MMUT: variants seen among roughly 807,000 people sequenced by gnomAD.
The protein encoded by MMUT is methylmalonyl-CoA mutase, also known as methylmalonyl-CoA mutase, mitochondrial.
In MMUT, 79 loss-of-function variants were observed where a neutral mutation model predicts 79.9. The ratio of observed to expected loss-of-function variants is 0.99; its 90% confidence interval spans 0.82 to 1.19. MMUT has a LOEUF of 1.19. Ranked by LOEUF, MMUT falls within the 50% of genes most tolerant of loss-of-function variation. The pLI, the probability that MMUT is intolerant of heterozygous loss-of-function variation, is 0.00. For missense variants in MMUT, 860 were observed against 917.2 expected, an observed-to-expected ratio of 0.94 and a Z score of 0.81; for synonymous variants, 273 against 295.7, an observed-to-expected ratio of 0.92 and a Z score of 0.79.
chr6:49,437,020 T>A (rs983785009), intron 11 of MMUT, among the ~76,000 whole-genome samples: 3 of 151,376 alleles, frequency 2.0e-5, no homozygotes, highest in African/African-American at 7.3e-5. Flanking sequence ...AGTTTACCTA[T>A]ATAACAAATC....
chr6:49,456,206 C>T lies in MMUT; in HGVS notation c.785G>A (p.Ser262Asn), dbSNP rs1767683356. Residue 262 changes from serine (S) to asparagine (N), a missense_variant, in exon 4 of 13, where the codon AGT becomes AAT. Coordinates refer to ENST00000274813, the MANE Select transcript of MMUT (RefSeq NM_000255.4). ...CCCTGCTTCCTGCATATGGTATCCA[C>T]TAATTGAAATTGAATTAAATTTTGG... ...HMPKFNSISI[S>N]GYHMQEAGAD... 6.2e-7 allele frequency: 1 copy of T among 1,610,968 alleles called. No homozygotes were observed. Among genetic ancestry groups the T allele is most frequent in the Non-Finnish European group, 8.5e-7 (1 of 1,177,718 alleles).
rs987808164 is a variant in MMUT at position 49,431,948 on chromosome 6, C to T, written c.2125-92G>A. On this transcript the variant is annotated intron_variant, in intron 12 of 12. Transcript: ENST00000274813. Reference sequence around the variant, plus strand: ...CCTTTCTTCTTTGTCACTCAATTACCCAAAACCTTCTCAACTGGTATACTA... The same window carrying T: ...CCTTTCTTCTTTGTCACTCAATTACTCAAAACCTTCTCAACTGGTATACTA... The T allele has an allele frequency of 9.0e-6, 13 of 1,439,338 alleles. No individual in the cohort carries two copies. In the African/African-American group the frequency reaches 1.8e-4, roughly 20 times the overall value. The allele number at this position is 1,439,338 out of a possible 1,614,324, so 89.2% of individuals were successfully genotyped here.
At chr6:49,461,720 G>T (rs1026909102) in intron 1 of MMUT, among the ~76,000 whole-genome samples, 6 of 152,180 alleles carry the variant, frequency 3.9e-5, no homozygotes, top group African/African-American at 1.4e-4. Context: ...AGTGAGCAGA[G>T]ATCGTGCCAC....
At chr6:49,453,164 C>T (rs1263732771) in intron 5 of MMUT, among the ~76,000 whole-genome samples, 1 of 150,624 alleles carries the variant, frequency 6.6e-6, no homozygotes, top group East Asian at 2.0e-4. Context: ...ACGTCAGCTT[C>T]CCAAGTAGCT....
intron 2 of MMUT, 38 bp downstream of exon 2, chr6:49,459,044 A>G (rs746950226): frequency 1.2e-5 from 19 of 1,597,080 alleles, no homozygotes; most frequent in Non-Finnish European, 1.4e-5. Flanking sequence ...GAGGCATATG[A>G]CTTATCATAA....
rs1767779186 is a variant in MMUT, at chr6:49,459,352, G to C, written c.115C>G (p.Leu39Val). The change falls in exon 2 of 13, where the codon CTT becomes GTT. Residue 39 changes from leucine (L) to valine (V), a missense_variant. Leu to Val is a conservative substitution (Grantham distance 32). Transcript: ENST00000274813. ...GCCAGGGCAGCCCATTCTGGGTGAAGGGGCTGTTGCTGGTGTAGAAGTCGT... is the reference window on the plus strand; with the variant it reads ...GCCAGGGCAGCCCATTCTGGGTGAACGGGCTGTTGCTGGTGTAGAAGTCGT... ...QQRLLHQQQP[L>V]HPEWAALAKK... 6.2e-7 allele frequency: 1 copy of C among 1,613,914 alleles called. No homozygotes were observed. The highest frequency in any genetic ancestry group is 1.3e-5 in the African/African-American group (1 of 74,878).
rs757696410 is a variant in MMUT at position 49,456,253 on chromosome 6, A to C, written c.754-16T>G. Reference sequence around the variant, plus strand: ...TTGGCATGTGCTACATAAAAAAAAAAATTGTAACAGTGAATAAGTAAAAAT... The same window carrying C: ...TTGGCATGTGCTACATAAAAAAAAACATTGTAACAGTGAATAAGTAAAAAT... On this transcript the variant is annotated splice_polypyrimidine_tract_variant and intron_variant, in intron 3 of 12. Coordinates refer to ENST00000274813, the MANE Select transcript of MMUT (RefSeq NM_000255.4). 15 of 1,553,316 alleles carry C rather than the reference A, an allele frequency of 9.7e-6. No individual in the cohort carries two copies. Among genetic ancestry groups the C allele is most frequent in the Non-Finnish European group, 1.2e-5 (13 of 1,125,500 alleles).
intron 3 of MMUT, 121 bp from the exon 4 acceptor site, chr6:49,456,358 T>C (rs537196866): frequency 4.1e-6 from 3 of 738,110 alleles, no homozygotes; most frequent in Admixed American, 2.5e-5. Flanking sequence ...AACTTGGTAG[T>C]TCATAATGTT....
At position 49,457,981 on chromosome 6, in the gene MMUT, C is replaced by A; in HGVS notation, c.463G>T (p.Gly155Cys). ...GYDSDNPRVRGDVGMAGVAID... is the reference protein window; with the variant it reads ...GYDSDNPRVRCDVGMAGVAID... ...GCAACTCCAGCCATTCCAACATCAC[C>A]ACGAACTCGAGGGTTGTCTGAATCA... The change falls in exon 3 of 13, where the codon GGT becomes TGT. Residue 155 changes from glycine to cysteine, a missense_variant. Physicochemically the swap from Gly to Cys is radical, Grantham distance 159 (BLOSUM62 -3). Transcript: ENST00000274813. 6.2e-7 allele frequency: 1 copy of A among 1,608,228 alleles called. No homozygotes were observed. Among genetic ancestry groups the A allele is most frequent in the Non-Finnish European group, 8.5e-7 (1 of 1,179,928 alleles).
chr6:49,440,498 TC>T, intron 10 of MMUT, 145 bp from the exon 11 acceptor site: 1 of 899,968 alleles, frequency 1.1e-6, no homozygotes, highest in Non-Finnish European at 1.7e-6. Context: ...GTTTTTTTTT[TC>T]CAATTTTTAT....
In MMUT at chr6:49,431,766, T is replaced by C. The variant is rs1766985085; in HGVS notation, c.2215A>G (p.Ile739Val). 1 of 1,613,936 alleles carries C rather than the reference T, an allele frequency of 6.2e-7. No homozygotes were observed. Among genetic ancestry groups the C allele is most frequent in the Non-Finnish European group, 8.5e-7 (1 of 1,179,870 alleles). Residue 739 changes from isoleucine (I) to valine (V), a missense_variant, in exon 13 of 13, where the codon ATT becomes GTT. By Grantham distance (29) the Ile-to-Val change is conservative. Transcript: ENST00000274813. Reference sequence around the variant, plus strand: ...TGCTTCTTTTCCAAACACTTCTCAATATCATCAAGCACCTGAACGGCAGCC... The same window carrying C: ...TGCTTCTTTTCCAAACACTTCTCAACATCATCAAGCACCTGAACGGCAGCC... ...PKAAVQVLDDIEKCLEKKQQS... is the reference protein window; with the variant it reads ...PKAAVQVLDDVEKCLEKKQQS...
chr6:49,448,059 TTCGAAATAACAA>T (rs1767456169), intron 7 of MMUT, among the ~76,000 whole-genome samples: 1 of 151,914 alleles, frequency 6.6e-6, no homozygotes, highest in African/African-American at 2.4e-5. Context: ...CTTTTAACAC[TTCGAAATAACAA>T]TCAGAGCAGC....
intron 11 of MMUT, 52 bp from the exon 12 acceptor site, chr6:49,435,675 T>C (rs1313274968): frequency 1.3e-6 from 2 of 1,562,614 alleles, no homozygotes; most frequent in South Asian, 1.1e-5. Context: ...AGATAATGAC[T>C]ATAAAAACCC....
intron 5 of MMUT, 40 bp downstream of exon 5, chr6:49,453,542 ATAT>A (rs1264035980): frequency 1.9e-5 from 23 of 1,205,204 alleles, no homozygotes; most frequent in Non-Finnish European, 2.5e-5. Flanking sequence ...AAATATATAT[ATAT>A]AACTTTATTA....
Position 49,444,744 on chromosome 6 carries a change from C to G in MMUT, c.1571G>C (p.Ser524Thr). 1 of 1,612,296 alleles carries G rather than the reference C, an allele frequency of 6.2e-7. No homozygotes were observed. Among genetic ancestry groups the G allele is most frequent in the East Asian group, 2.2e-5 (1 of 44,840 alleles). Residue 524 changes from serine to threonine, a missense_variant, in exon 9 of 13, where the codon AGC (serine) becomes ACC (threonine). By Grantham distance (58) the Ser-to-Thr change is moderately conservative. Transcript: ENST00000274813. ...ACGTTCAGCCAAAGCTTGATCCCTGCTGGATTTGATCTATGGAAAAAGTCA... is the reference window on the plus strand; with the variant it reads ...ACGTTCAGCCAAAGCTTGATCCCTGGTGGATTTGATCTATGGAAAAAGTCA... ...QIEKLKKIKS[S>T]RDQALAERCL...
At chr6:49,432,332 A>T (rs1353778570) in intron 12 of MMUT, among the ~76,000 whole-genome samples, 11 of 149,572 alleles carry the variant, frequency 7.4e-5, no homozygotes, top group African/African-American at 2.0e-4. Context: ...AAATAAGCCC[A>T]TTTTTTTTTT....
At chr6:49,452,986 C>T (rs995070902) in intron 5 of MMUT, among the ~76,000 whole-genome samples, 6 of 150,644 alleles carry the variant, frequency 4.0e-5, no homozygotes, top group Non-Finnish European at 7.4e-5. Flanking sequence ...AGAGTACTAA[C>T]TTATGACTTT....
intron 3 of MMUT, among the ~76,000 whole-genome samples, chr6:49,457,137 T>C (rs905912665): frequency 1.3e-5 from 2 of 152,188 alleles, no homozygotes; most frequent in Non-Finnish European, 2.9e-5. Flanking sequence ...ACGTTGCTGG[T>C]AAGAAGCAAA....
At position 49,444,816 on chromosome 6, in the gene MMUT, A is replaced by C. The variant is rs971079789; in HGVS notation, c.1561-62T>G. 16 of 1,341,002 alleles carry C rather than the reference A, an allele frequency of 1.2e-5. 1 individual carries two copies. The highest frequency in any genetic ancestry group is 5.1e-5 in the Admixed American group (3 of 58,482). The allele number at this position is 1,341,002 out of a possible 1,614,324, so 83.1% of individuals were successfully genotyped here. On this transcript the variant is annotated intron_variant, in intron 8 of 12. Transcript: ENST00000274813. ...AAGAGAGAATAAAACAGAGATCAAG[A>C]GATTAGACCCTGATGCATAGCATAT... is the stretch of plus-strand genomic sequence containing the variant.
Sources: allele counts gnomAD v4.1 joint callset (sites outside exome capture counted in the v4.1 genomes callset), GRCh38; gene constraint gnomAD v4.1.1; transcripts MANE v1.5; gene names NCBI Gene and HGNC (gene_info 2026-07-23, HGNC 2026-07-21).